The following MALL variants were observed in gnomAD, a reference collection of about 807,000 sequenced individuals.
The protein encoded by MALL is MAL-like protein.
In MALL, 2 loss-of-function variants were observed where a neutral mutation model predicts 10.3. The observed-to-expected ratio is 0.19, with a 90% CI of 0.08 to 0.61. The LOEUF (loss-of-function observed/expected upper bound fraction) is 0.61. Among genes scored for constraint, MALL ranks in the 20% least tolerant of loss-of-function variants. The pLI, the probability that MALL is intolerant of heterozygous loss-of-function variation, is 0.88. For synonymous variants in MALL, 27 were observed against 51.8 expected (o/e 0.52, Z 2.05); for missense variants, 39 against 115.2 (o/e 0.34, Z 3.03).
chr2:110,105,183 C>A (rs1678661800), intron 1 of MALL, among the ~76,000 whole-genome samples: 4 of 152,224 alleles, frequency 2.6e-5, no homozygotes. Flanking sequence ...AGACTTTAGG[C>A]CCCATCCTGA....
At position 110,112,883 on chromosome 2, in the gene MALL, T is replaced by A. The variant is rs1678833244; in HGVS notation, c.105+2805A>T. 4.7e-5 allele frequency among the ~76,000 whole-genome samples: 7 copies of A among 149,520 alleles called. No individual in the cohort carries two copies. The South Asian group carries it at 1.5e-3, about 31-fold the overall frequency. ...ATAAAGAAACTGTGATATATATATA[T>A]ATGTATATATATAAATATATACATA... On this transcript the variant is annotated intron_variant, in intron 1 of 3. Coordinates refer to ENST00000272462, the MANE Select transcript of MALL (RefSeq NM_005434.5).
At chr2:110,104,485 C>CAG (rs577800992) in intron 1 of MALL, among the ~76,000 whole-genome samples, 12 of 152,046 alleles carry the variant, frequency 7.9e-5, no homozygotes, top group South Asian at 2.1e-4. Context: ...CAGTGCTTGG[C>CAG]AGAGAGAGAG....
At chr2:110,099,536 A>G (rs1678517312) in intron 1 of MALL, among the ~76,000 whole-genome samples, 1 of 152,116 alleles carries the variant, frequency 6.6e-6, no homozygotes, top group Non-Finnish European at 1.5e-5. Flanking sequence ...TCCTGTTACA[A>G]ATGATGCTGC....
upstream of MALL, chr2:110,116,036 A>G: frequency 2.6e-6 from 1 of 381,198 alleles, no homozygotes; most frequent in Non-Finnish European, 4.6e-6. Flanking sequence ...GCAGAGCGGG[A>G]GTCTCCTCCT....
At chr2:110,096,798 C>T (rs1678450313) in intron 1 of MALL, among the ~76,000 whole-genome samples, 1 of 151,958 alleles carries the variant, frequency 6.6e-6, no homozygotes, top group Non-Finnish European at 1.5e-5. Flanking sequence ...TCTGCAACCT[C>T]CCAGTTGAAG....
In MALL at chr2:110,096,782, T is replaced by A. The variant is rs572162689; in HGVS notation, c.106-5012A>T. Among the ~76,000 whole-genome samples the A allele has an allele frequency of 8.7e-4, 132 of 151,698 alleles. 1 individual carries two copies. Among genetic ancestry groups the A allele is most frequent in the African/African-American group, 3.1e-3 (126 of 41,288 alleles). ...AATCTGGGGACTCACAGACCCCCAG[T>A]GTCCGTCTGCAACCTCCCAGTTGAA... On this transcript the variant is annotated intron_variant, in intron 1 of 3. Transcript: ENST00000272462.
chr2:110,097,988 G>T (rs557180228), intron 1 of MALL, among the ~76,000 whole-genome samples: 1 of 151,942 alleles, frequency 6.6e-6, no homozygotes, highest in Non-Finnish European at 1.5e-5. Context: ...CAGGTGAGCC[G>T]GGGTCTCCTG....
At chr2:110,104,907 T>C (rs1343257241) in intron 1 of MALL, among the ~76,000 whole-genome samples, 1 of 152,228 alleles carries the variant, frequency 6.6e-6, no homozygotes, top group African/African-American at 2.4e-5. Flanking sequence ...TAAACACTTG[T>C]TGACTTACAA....
intron 1 of MALL, among the ~76,000 whole-genome samples, chr2:110,102,824 G>A (rs571494218): frequency 1.2e-4 from 18 of 152,148 alleles, no homozygotes; most frequent in African/African-American, 3.9e-4. Context: ...TGACCCCATC[G>A]GCACCCCTTG....
chr2:110,097,162 G>A (rs1331445380), intron 1 of MALL, among the ~76,000 whole-genome samples: 2 of 151,396 alleles, frequency 1.3e-5, no homozygotes, highest in Non-Finnish European at 2.9e-5. Flanking sequence ...ATTTGTAAAG[G>A]CACAGACCAG....
chr2:110,098,689 G>A (rs1264710719), intron 1 of MALL, among the ~76,000 whole-genome samples: 2 of 152,102 alleles, frequency 1.3e-5, no homozygotes, highest in African/African-American at 4.8e-5. Flanking sequence ...TGTCCAAATA[G>A]CTCTTTGATG....
rs372831409 is a variant in MALL at position 110,099,254 on chromosome 2, A to C, written c.106-7484T>G. On this transcript the variant is annotated intron_variant, in intron 1 of 3. Coordinates refer to ENST00000272462, the MANE Select transcript of MALL (RefSeq NM_005434.5). ...AACTCAAACAGGAAGGCAGAGCGTC[A>C]CCTTGCTTGACCTCAGCTGGGAATG... is the stretch of plus-strand genomic sequence containing the variant. 8.5e-5 allele frequency among the ~76,000 whole-genome samples: 13 copies of C among 152,292 alleles called. No individual in the cohort carries two copies. The East Asian group carries it at 1.7e-3, about 20-fold the overall frequency.
At chr2:110,114,889 C>T (rs1247312274) in intron 1 of MALL, among the ~76,000 whole-genome samples, 1 of 152,106 alleles carries the variant, frequency 6.6e-6, no homozygotes, top group African/African-American at 2.4e-5. Flanking sequence ...CTTGACTGTG[C>T]TCCTCCGTGA....
intron 1 of MALL, among the ~76,000 whole-genome samples, chr2:110,098,922 A>C (rs566889476): frequency 6.6e-6 from 1 of 152,100 alleles, no homozygotes; most frequent in South Asian, 2.1e-4. Flanking sequence ...GGATCACTTG[A>C]GCCCGGGAGG....
chr2:110,114,206 T>C (rs1241535913), intron 1 of MALL, among the ~76,000 whole-genome samples: 1 of 152,052 alleles, frequency 6.6e-6, no homozygotes, highest in African/African-American at 2.4e-5. Context: ...TAAATGCCTG[T>C]TCTTTGAGGT....
rs138325752 is a variant in MALL at position 110,102,718 on chromosome 2, C to A, written c.106-10948G>T. 5.0e-3 allele frequency among the ~76,000 whole-genome samples: 764 copies of A among 152,278 alleles called. 5 individuals carry two copies. Among genetic ancestry groups the A allele is most frequent in the African/African-American group, 0.018 (736 of 41,552 alleles). On this transcript the variant is annotated intron_variant, in intron 1 of 3. Coordinates refer to ENST00000272462, the MANE Select transcript of MALL (RefSeq NM_005434.5). ...CATCCTCACCTATTTCCTGCTCCAT[C>A]ACCTCCCAGGCCCCAGAAATTCTCA...
chr2:110,117,295 G>A (rs1306137062), upstream of MALL, among the ~76,000 whole-genome samples: 1 of 152,114 alleles, frequency 6.6e-6, no homozygotes, highest in African/African-American at 2.4e-5. Flanking sequence ...CACTCTTACA[G>A]GCTGTAGGAT....
chr2:110,115,001 G>A (rs932957573), intron 1 of MALL, among the ~76,000 whole-genome samples: 1 of 152,208 alleles, frequency 6.6e-6, no homozygotes, highest in Admixed American at 6.5e-5. Flanking sequence ...CCAGGGATCA[G>A]GGCCACGACT....
intron 1 of MALL, among the ~76,000 whole-genome samples, chr2:110,111,558 A>G (rs781112828): frequency 1.3e-5 from 2 of 152,146 alleles, no homozygotes; most frequent in African/African-American, 4.8e-5. Context: ...GGAAAACTAT[A>G]AAACACTGCT....
Sources: gnomAD v4.1 joint callset for allele counts (sites outside exome capture counted in the v4.1 genomes callset) on GRCh38, gnomAD v4.1.1 for gene constraint, MANE v1.5 for transcripts, NCBI Gene and HGNC (gene_info 2026-07-23, HGNC 2026-07-21) for gene names.